PIGN: variants seen among roughly 807,000 people sequenced by gnomAD.
PIGN encodes GPI ethanolamine phosphate transferase 1.
In PIGN, 117 loss-of-function variants were observed where a neutral mutation model predicts 125.4. The observed-to-expected ratio is 0.93, with a 90% confidence interval of 0.80 to 1.09. The LOEUF (loss-of-function observed/expected upper bound fraction) is 1.09. PIGN is among the 50% of genes least tolerant of loss of function. The probability of loss-of-function intolerance (pLI) is 0.00; values close to 1 mark genes in which losing one functional copy is unlikely to be tolerated. For synonymous variants in PIGN, 392 were observed against 377.8 expected, an observed-to-expected ratio of 1.04 and a Z score of -0.44; for missense variants, 1,075 against 1,094.9, an observed-to-expected ratio of 0.98 and a Z score of 0.26.
chr18:62,075,479 C>A (rs1560501), intron 28 of PIGN: 50,638 of 152,104 alleles, frequency 0.33, 9,379 homozygotes, highest in East Asian at 0.63. Context: ...TCTCACTTAG[C>A]ATAATTTTCT....
intron 4 of PIGN, among the ~76,000 whole-genome samples, chr18:62,159,593 T>G (rs1312497149): frequency 1.3e-5 from 2 of 152,110 alleles, no homozygotes; most frequent in Admixed American, 1.3e-4. Flanking sequence ...AATGTTCGTC[T>G]ATTGACTTGA....
At chr18:62,125,340 G>A (rs1165293034) in intron 14 of PIGN, among the ~76,000 whole-genome samples, 1 of 151,938 alleles carries the variant, frequency 6.6e-6, no homozygotes, top group East Asian at 1.9e-4. Context: ...GTTGCATTTT[G>A]TTGATGATTA....
intron 14 of PIGN, among the ~76,000 whole-genome samples, chr18:62,129,659 G>A (rs894779088): frequency 2.7e-5 from 4 of 148,528 alleles, no homozygotes. Context: ...TAGACTTTGT[G>A]TCCAACAAGG....
At chr18:62,070,186 G>C (rs901361620) in intron 30 of PIGN, 1 of 384,662 alleles carries the variant, frequency 2.6e-6, no homozygotes, top group Non-Finnish European at 4.6e-6. Flanking sequence ...ACTTAGCAAA[G>C]GTTTCACAGC....
At chr18:62,117,693 G>A (rs970401911) in intron 14 of PIGN, among the ~76,000 whole-genome samples, 7 of 151,908 alleles carry the variant, frequency 4.6e-5, no homozygotes, top group African/African-American at 1.7e-4. Flanking sequence ...TAACAAGAAG[G>A]ATATACATAT....
At chr18:62,039,379 T>C (rs1477321081), downstream of PIGN, among the ~76,000 whole-genome samples, 3 of 152,132 alleles carry the variant, frequency 2.0e-5, no homozygotes, top group Non-Finnish European at 2.9e-5. Flanking sequence ...TATTGACATT[T>C]TATTAACTAC....
intron 23 of PIGN, among the ~76,000 whole-genome samples, chr18:62,092,161 C>T (rs1461052050): frequency 6.6e-6 from 1 of 152,018 alleles, no homozygotes; most frequent in African/African-American, 2.4e-5. Context: ...TGAACAGATA[C>T]CTACACACAT....
At position 62,109,886 on chromosome 18, in the gene PIGN, ATGT is replaced by A. The variant is rs2034806544; in HGVS notation, c.1519_1521del (p.Thr507del). On this transcript the variant is annotated inframe_deletion, in exon 17 of 31. Transcript: ENST00000640252. ...AGTGGCAACAAACCATATACATAATATGTCCAGGGACAGGCTTGAATCAGCAGA... is the reference window on the plus strand; with the variant it reads ...AGTGGCAACAAACCATATACATAATACCAGGGACAGGCTTGAATCAGCAGA... 1.9e-6 allele frequency: 3 copies of A among 1,613,070 alleles called. No homozygotes were observed. The African/African-American group carries it at 4.0e-5, about 22-fold the overall frequency.
At chr18:62,061,350 C>T (rs4991213) in intron 30 of PIGN, among the ~76,000 whole-genome samples, 47,358 of 151,182 alleles carry the variant, frequency 0.31, 8,581 homozygotes, top group East Asian at 0.63. Flanking sequence ...ACTACATTCA[C>T]GGGGCAGTCA....
chr18:62,178,588 G>A (rs1163371740), intron 1 of PIGN, among the ~76,000 whole-genome samples: 3 of 146,188 alleles, frequency 2.1e-5, no homozygotes, highest in South Asian at 2.1e-4. Flanking sequence ...TGGGAACATA[G>A]CAAGACCCAC....
intron 30 of PIGN, 89 bp downstream of exon 30, chr18:62,072,584 G>A (rs1157172370): frequency 1.3e-5 from 13 of 989,130 alleles, no homozygotes; most frequent in Non-Finnish European, 2.0e-5. Flanking sequence ...TATACTCTGT[G>A]ATGTTTGCAC....
intron 1 of PIGN, among the ~76,000 whole-genome samples, chr18:62,174,964 A>C (rs1053751987): frequency 2.0e-5 from 3 of 149,378 alleles, no homozygotes; most frequent in African/African-American, 7.3e-5. Context: ...AAATTAATAA[A>C]ATTTCTTGAT....
intron 28 of PIGN, among the ~76,000 whole-genome samples, chr18:62,080,135 A>T (rs1221898288): frequency 6.6e-6 from 1 of 152,166 alleles, no homozygotes; most frequent in African/African-American, 2.4e-5. Context: ...TGCTATTTCC[A>T]AGTTTTTGTG....
chr18:62,073,942 C>G (rs551884161), intron 29 of PIGN, among the ~76,000 whole-genome samples: 1 of 152,282 alleles, frequency 6.6e-6, no homozygotes, highest in African/African-American at 2.4e-5. Flanking sequence ...ATGATGAGGG[C>G]TTTGGGCCAT....
intron 23 of PIGN, among the ~76,000 whole-genome samples, chr18:62,024,286 C>T (rs867299461): frequency 1.3e-5 from 2 of 152,166 alleles, no homozygotes; most frequent in African/African-American, 4.8e-5. Flanking sequence ...AAGTCAAGTT[C>T]TCTCACAAAG....
At chr18:62,036,735 T>C (rs1401632137), downstream of PIGN, among the ~76,000 whole-genome samples, 3 of 152,220 alleles carry the variant, frequency 2.0e-5, no homozygotes, top group Admixed American at 6.5e-5. Flanking sequence ...ATTACTGCCA[T>C]AGGCCCTGAA....
intron 4 of PIGN, among the ~76,000 whole-genome samples, chr18:62,159,585 T>A (rs1354162560): frequency 1.3e-5 from 2 of 152,186 alleles, no homozygotes; most frequent in African/African-American, 4.8e-5. Flanking sequence ...TTTCCCACAA[T>A]GTTCGTCTAT....
chr18:62,129,533 C>A (rs1282064018), intron 14 of PIGN, among the ~76,000 whole-genome samples: 1 of 152,278 alleles, frequency 6.6e-6, no homozygotes, highest in East Asian at 1.9e-4. Flanking sequence ...AAATTTGCAT[C>A]CCTCATCTGT....
Position 62,106,800 on chromosome 18 carries a change from T to G in PIGN, c.1756A>C (p.Thr586Pro), listed in dbSNP as rs762127847. Residue 586 changes from threonine to proline, a missense_variant, in exon 19 of 31, where the codon ACT becomes CCT. By Grantham distance (38) the Thr-to-Pro change is conservative. Around this residue, in one of 3 missense-constraint regions of PIGN, gnomAD observed 915 missense variants for 908.7 expected, o/e 1.01. Transcript: ENST00000640252. ...ATGAGTACTCATACCTTTGCTCGAG[T>G]CCACAGCCGAGTGAGAAATGGCCAA... Reference protein sequence around the residue: ...AAWPFLTRLWTRAKMTSLSWT... With the variant: ...AAWPFLTRLWPRAKMTSLSWT... 6.2e-7 allele frequency: 1 copy of G among 1,604,930 alleles called. No homozygotes were observed. Among genetic ancestry groups the G allele is most frequent in the Non-Finnish European group, 8.5e-7 (1 of 1,175,302 alleles).
Sources: allele counts gnomAD v4.1 joint callset (sites outside exome capture counted in the v4.1 genomes callset), GRCh38; gene constraint gnomAD v4.1.1; regional missense constraint gnomAD v4.1.1; transcripts MANE v1.5; gene names NCBI Gene and HGNC (gene_info 2026-07-23, HGNC 2026-07-21).